Variants in KLHL32 observed in about 807,000 individuals in gnomAD.
KLHL32 encodes kelch like family member 32.
Under a neutral mutation model 64.8 loss-of-function variants are expected in KLHL32, and 35 were observed. The observed-to-expected ratio is 0.54, with a 90% CI of 0.41 to 0.72. The LOEUF is 0.72. Ranked by LOEUF, KLHL32 falls within the 30% of genes least tolerant of loss-of-function variation. The pLI is 0.00. For missense variants in KLHL32, 589 were observed against 768.5 expected (o/e 0.77, Z 2.76); for synonymous variants, 259 against 281.0 (o/e 0.92, Z 0.78).
intron 1 of KLHL32, among the ~76,000 whole-genome samples, chr6:96,932,563 T>TCC (rs1562168616): frequency 7.2e-5 from 8 of 111,218 alleles, no homozygotes; most frequent in African/African-American, 3.4e-4. Context: ...AGTTGTCAAT[T>TCC]TCCCCCCCCC....
At chr6:97,076,001 G>A (rs1307236867) in intron 5 of KLHL32, among the ~76,000 whole-genome samples, 2 of 152,120 alleles carry the variant, frequency 1.3e-5, no homozygotes, top group African/African-American at 2.4e-5. Flanking sequence ...TTTCCCCAAG[G>A]AGTTTATCTT....
chr6:97,033,633 C>G (rs1321478922), intron 3 of KLHL32, among the ~76,000 whole-genome samples: 2 of 152,046 alleles, frequency 1.3e-5, no homozygotes, highest in African/African-American at 4.8e-5. Context: ...TACCAATTTA[C>G]ATTACAACCA....
At chr6:96,949,752 TTCTC>T (rs889045472) in intron 1 of KLHL32, among the ~76,000 whole-genome samples, 3 of 152,142 alleles carry the variant, frequency 2.0e-5, no homozygotes, top group Non-Finnish European at 4.4e-5. Flanking sequence ...AGCAGAACTT[TTCTC>T]TCTTTTTTTC....
chr6:97,132,792 C>T (rs373212198), intron 10 of KLHL32, 45 bp downstream of exon 10: 22 of 1,373,962 alleles, frequency 1.6e-5, no homozygotes, highest in Admixed American at 1.6e-4. Flanking sequence ...AGTGGTTCAG[C>T]GAGGTTACAT....
chr6:97,136,992 G>A (rs1334291410), intron 10 of KLHL32, among the ~76,000 whole-genome samples: 3 of 152,148 alleles, frequency 2.0e-5, no homozygotes, highest in African/African-American at 7.2e-5. Flanking sequence ...GTGTGACCCT[G>A]AGAAAGTCAC....
At chr6:97,007,738 G>A (rs914710776) in intron 3 of KLHL32, among the ~76,000 whole-genome samples, 6 of 152,180 alleles carry the variant, frequency 3.9e-5, no homozygotes, top group Admixed American at 2.0e-4. Context: ...ATTTGTGGAA[G>A]ATTTTATGAG....
intron 10 of KLHL32, among the ~76,000 whole-genome samples, chr6:97,135,245 C>T (rs949859455): frequency 4.0e-5 from 6 of 150,606 alleles, no homozygotes; most frequent in Non-Finnish European, 5.9e-5. Context: ...GCAAATACTG[C>T]GTTTATTCCT....
intron 1 of KLHL32, among the ~76,000 whole-genome samples, chr6:96,938,281 A>G (rs900987852): frequency 6.6e-6 from 1 of 152,066 alleles, no homozygotes; most frequent in Non-Finnish European, 1.5e-5. Flanking sequence ...GGAAAAAAAA[A>G]CAAATGTGTG....
chr6:96,927,822 C>A (rs1562163744), intron 1 of KLHL32, among the ~76,000 whole-genome samples: 1 of 152,192 alleles, frequency 6.6e-6, no homozygotes, highest in Non-Finnish European at 1.5e-5. Context: ...CATGGAGATA[C>A]CGTCTCTGCC....
intron 6 of KLHL32, among the ~76,000 whole-genome samples, chr6:97,092,518 A>T: frequency 6.6e-6 from 1 of 152,144 alleles, no homozygotes; most frequent in East Asian, 1.9e-4. Context: ...TGATGAGGGT[A>T]TCTCCATTTC....
At chr6:96,919,033 C>T in the KLHL32 span, among the ~76,000 whole-genome samples, 1 of 152,140 alleles carries the variant, frequency 6.6e-6, no homozygotes, top group Non-Finnish European at 1.5e-5. Context: ...GTCCTCCCCA[C>T]CTCTCTTCTC....
rs1349953345 is a variant in KLHL32 at position 96,944,229 on chromosome 6, A to G, written c.-66+19203A>G. Among the ~76,000 whole-genome samples, 4 of 152,368 alleles carry G rather than the reference A, an allele frequency of 2.6e-5. No homozygotes were observed. In the South Asian group the frequency reaches 6.2e-4, roughly 24 times the overall value. ...TAAATAATTTAAAATGTTACCTATGAGGCATGCATGAATTCAAGGTATCAG... is the reference window on the plus strand; with the variant it reads ...TAAATAATTTAAAATGTTACCTATGGGGCATGCATGAATTCAAGGTATCAG... On this transcript the variant is annotated intron_variant, in intron 1 of 10. Coordinates refer to ENST00000369261, the MANE Select transcript of KLHL32 (RefSeq NM_052904.4).
At chr6:97,012,599 A>C (rs1006535831) in intron 3 of KLHL32, among the ~76,000 whole-genome samples, 1 of 152,218 alleles carries the variant, frequency 6.6e-6, no homozygotes, top group African/African-American at 2.4e-5. Context: ...TAGCAAGGAA[A>C]CTAATACAGG....
At chr6:97,088,983 A>G (rs1193781552) in intron 6 of KLHL32, among the ~76,000 whole-genome samples, 1 of 152,260 alleles carries the variant, frequency 6.6e-6, no homozygotes, top group Admixed American at 6.5e-5. Flanking sequence ...GAAAAAGCCT[A>G]TATAGAAAAA....
At chr6:97,120,239 G>A (rs1798223970) in intron 7 of KLHL32, among the ~76,000 whole-genome samples, 1 of 152,072 alleles carries the variant, frequency 6.6e-6, no homozygotes, top group Non-Finnish European at 1.5e-5. Flanking sequence ...GATAATTATG[G>A]GTGTGAACCT....
chr6:96,920,013 C>T (rs1299751111), upstream of KLHL32, among the ~76,000 whole-genome samples: 1 of 152,140 alleles, frequency 6.6e-6, no homozygotes, highest in Non-Finnish European at 1.5e-5. Flanking sequence ...AAAGGCCAGT[C>T]CTCAGTGGAA....
chr6:97,114,633 TA>T (rs1489917822), intron 7 of KLHL32, 124 bp downstream of exon 7: 1 of 1,133,614 alleles, frequency 8.8e-7, no homozygotes, highest in Non-Finnish European at 1.3e-6. Flanking sequence ...CCATTTTAGC[TA>T]ATTAACATTC....
chr6:97,069,655 A>G (rs2128160469), intron 5 of KLHL32, among the ~76,000 whole-genome samples: 1 of 152,116 alleles, frequency 6.6e-6, no homozygotes, highest in Non-Finnish European at 1.5e-5. Flanking sequence ...CTCCCTTCAC[A>G]TCGTGGGAGT....
chr6:97,017,111 A>G (rs1263880290), intron 3 of KLHL32, among the ~76,000 whole-genome samples: 1 of 152,230 alleles, frequency 6.6e-6, no homozygotes, highest in Admixed American at 6.5e-5. Flanking sequence ...ACTGGTTTTT[A>G]AAGTCAGTAT....
Sources: gnomAD v4.1 joint callset for allele counts (sites outside exome capture counted in the v4.1 genomes callset) on GRCh38, gnomAD v4.1.1 for gene constraint, MANE v1.5 for transcripts, NCBI Gene and HGNC (gene_info 2026-07-23, HGNC 2026-07-21) for gene names.